PREX2: variants seen among roughly 807,000 people sequenced by gnomAD.
PREX2 encodes phosphatidylinositol-3,4,5-trisphosphate dependent Rac exchange factor 2.
A neutral mutation model predicts 203.2 loss-of-function variants in PREX2; 107 were observed. The ratio of observed to expected loss-of-function variants is 0.53; its 90% CI spans 0.45 to 0.62. PREX2 has a LOEUF of 0.62. Among genes scored for constraint, PREX2 ranks in the 20% least tolerant of loss-of-function variants. The probability of loss-of-function intolerance (pLI) is 0.00; values close to 1 mark genes in which losing one functional copy is unlikely to be tolerated. For missense variants in PREX2, 1,777 were observed against 1,955.9 expected, an observed-to-expected ratio of 0.91 and a Z score of 1.72; for synonymous variants, 672 against 663.6, an observed-to-expected ratio of 1.01 and a Z score of -0.19.
At chr8:68,206,841 C>G (rs1356820317) in intron 37 of PREX2, among the ~76,000 whole-genome samples, 3 of 152,158 alleles carry the variant, frequency 2.0e-5, no homozygotes, top group Non-Finnish European at 4.4e-5. Flanking sequence ...GATGTCTTGA[C>G]AGTGGAGCCG....
chr8:68,134,643 C>T (rs1282946950), intron 32 of PREX2, among the ~76,000 whole-genome samples: 1 of 152,148 alleles, frequency 6.6e-6, no homozygotes, highest in Non-Finnish European at 1.5e-5. Flanking sequence ...ACCAAAGCTC[C>T]TATTGAGATG....
chr8:68,070,281 G>A (rs1224406399), intron 13 of PREX2, among the ~76,000 whole-genome samples: 1 of 151,594 alleles, frequency 6.6e-6, no homozygotes, highest in Non-Finnish European at 1.5e-5. Flanking sequence ...TATTGAATAT[G>A]TATTTTATTT....
intron 33 of PREX2, among the ~76,000 whole-genome samples, chr8:68,142,335 T>C (rs919061678): frequency 6.6e-6 from 1 of 152,186 alleles, no homozygotes; most frequent in Non-Finnish European, 1.5e-5. Flanking sequence ...ACTGATTTTC[T>C]CTACTTTCTC....
chr8:68,175,215 A>G (rs1250393600), intron 35 of PREX2, among the ~76,000 whole-genome samples: 2 of 152,156 alleles, frequency 1.3e-5, no homozygotes, highest in Non-Finnish European at 2.9e-5. Flanking sequence ...AAGCTGTTTC[A>G]GAGAGAGAAA....
At chr8:68,049,005 T>A (rs1373454124) in intron 8 of PREX2, among the ~76,000 whole-genome samples, 1 of 151,976 alleles carries the variant, frequency 6.6e-6, no homozygotes, top group East Asian at 1.9e-4. Flanking sequence ...TAATAGTTTT[T>A]TTTTCTAATA....
intron 7 of PREX2, among the ~76,000 whole-genome samples, chr8:68,042,599 G>A (rs909671296): frequency 6.6e-6 from 1 of 151,852 alleles, no homozygotes; most frequent in African/African-American, 2.4e-5. Flanking sequence ...TTCTACTATT[G>A]TATACATTCT....
intron 11 of PREX2, among the ~76,000 whole-genome samples, chr8:68,066,516 T>C (rs76390813): frequency 0.013 from 1,925 of 152,302 alleles, 43 homozygotes; most frequent in African/African-American, 0.043. Context: ...TTATTTCTTT[T>C]TTTGAGAAGT....
At chr8:68,228,971 A>G (rs1450151077) in intron 39 of PREX2, among the ~76,000 whole-genome samples, 4 of 117,278 alleles carry the variant, frequency 3.4e-5, no homozygotes, top group Non-Finnish European at 6.7e-5. Context: ...AAAAAAAGAA[A>G]GAAAAAAATG....
At chr8:68,221,181 G>T (rs1812947206) in intron 38 of PREX2, among the ~76,000 whole-genome samples, 3 of 152,124 alleles carry the variant, frequency 2.0e-5, no homozygotes, top group Admixed American at 1.3e-4. Flanking sequence ...TCAGGCTGCT[G>T]CAAAGAACAT....
At chr8:68,132,331 T>C (rs749425500) in intron 31 of PREX2, among the ~76,000 whole-genome samples, 1 of 151,954 alleles carries the variant, frequency 6.6e-6, no homozygotes, top group Non-Finnish European at 1.5e-5. Flanking sequence ...TATCTATAAA[T>C]GCCCTTTCCT....
At chr8:68,146,471 C>G in intron 34 of PREX2, 119 bp downstream of exon 34, 1 of 887,100 alleles carries the variant, frequency 1.1e-6, no homozygotes, top group Non-Finnish European at 1.7e-6. Context: ...ATTATTTAGC[C>G]AATATATTTG....
chr8:67,984,685 T>G (rs1806364334), intron 1 of PREX2, among the ~76,000 whole-genome samples: 1 of 152,214 alleles, frequency 6.6e-6, no homozygotes, highest in African/African-American at 2.4e-5. Context: ...GTCTGCCGGT[T>G]CCAGCTGTGC....
intron 9 of PREX2, among the ~76,000 whole-genome samples, chr8:68,053,936 A>G (rs1381594917): frequency 6.6e-6 from 1 of 152,248 alleles, no homozygotes; most frequent in African/African-American, 2.4e-5. Context: ...GCATATTTCT[A>G]TAATTCAGCT....
At position 68,120,178 on chromosome 8, in the gene PREX2, A is replaced by T. The variant is rs1374994389; in HGVS notation, c.3505-18A>T. On this transcript the variant is annotated intron_variant, in intron 28 of 39. Transcript: ENST00000288368. ...TACTATGAGAAATATGTAACTCGGA[A>T]ATCTCTACTATTGATAGGTGGATTC... 6 of 1,523,076 alleles carry T rather than the reference A, an allele frequency of 3.9e-6. No individual in the cohort carries two copies. Among genetic ancestry groups the T allele is most frequent in the South Asian group, 1.1e-5 (1 of 88,200 alleles). The allele number at this position is 1,523,076 out of a possible 1,614,324, so 94.3% of individuals were successfully genotyped here.
Position 68,120,901 on chromosome 8 carries a change from G to A in PREX2, c.3596-20G>A, listed in dbSNP as rs779585933. ...TAGGAATTATTTGAGACTTAAGAGA[G>A]ATTTTCTGTGTTTATTTAGAATTTC... On this transcript the variant is annotated intron_variant, in intron 29 of 39. Transcript: ENST00000288368. 9.3e-6 allele frequency: 15 copies of A among 1,607,726 alleles called. No homozygotes were observed. Among genetic ancestry groups the A allele is most frequent in the Middle Eastern group, 3.3e-4 (2 of 6,040 alleles).
chr8:68,030,178 TA>T (rs1408398811), intron 5 of PREX2, among the ~76,000 whole-genome samples: 1 of 152,168 alleles, frequency 6.6e-6, no homozygotes, highest in Non-Finnish European at 1.5e-5. Flanking sequence ...GTGCTTCTGT[TA>T]GAACAAAAGT....
At chr8:68,017,783 C>A in intron 1 of PREX2, 63 bp from the exon 2 acceptor site, 1 of 1,344,192 alleles carries the variant, frequency 7.4e-7, no homozygotes, top group Non-Finnish European at 1.1e-6. Context: ...TTTAATTCTA[C>A]TCAACACCCA....
At chr8:68,194,426 A>G (rs1812354571) in intron 37 of PREX2, among the ~76,000 whole-genome samples, 1 of 152,138 alleles carries the variant, frequency 6.6e-6, no homozygotes. Flanking sequence ...TAATATCTAG[A>G]TATTTTAATG....
At chr8:68,137,981 A>T (rs1311941260) in intron 32 of PREX2, among the ~76,000 whole-genome samples, 1 of 152,170 alleles carries the variant, frequency 6.6e-6, no homozygotes, top group Admixed American at 6.5e-5. Flanking sequence ...TGAATAAGTT[A>T]TCTCATTATA....
Sources: gnomAD v4.1 joint callset for allele counts (sites outside exome capture counted in the v4.1 genomes callset) on GRCh38, gnomAD v4.1.1 for gene constraint, MANE v1.5 for transcripts, NCBI Gene and HGNC (gene_info 2026-07-23, HGNC 2026-07-21) for gene names.